The following HDAC9 variants were observed in gnomAD, a reference collection of about 807,000 sequenced individuals.
HDAC9 encodes the protein histone deacetylase 9, also known as MEF-2 interacting transcription repressor (MITR) protein.
Under a neutral mutation model 139.4 loss-of-function variants are expected in HDAC9, and 41 were observed. The ratio of observed to expected loss-of-function variants is 0.29; its 90% CI spans 0.23 to 0.38. HDAC9 has a LOEUF of 0.38. Among genes scored for constraint, HDAC9 ranks in the 10% least tolerant of loss-of-function variants. The pLI is 1.00. For missense variants in HDAC9, 1,147 were observed against 1,297.0 expected (o/e 0.88, Z 1.78); for synonymous variants, 517 against 476.2 (o/e 1.09, Z -1.12).
chr7:18,187,183 A>C lies in HDAC9; in HGVS notation c.25+24834A>C, dbSNP rs541606566. Among the ~76,000 whole-genome samples the C allele has an allele frequency of 1.6e-4, 24 of 152,336 alleles. 1 individual carries two copies. The South Asian group carries it at 3.5e-3, about 22-fold the overall frequency. ...CAGTCAGTGAAAATAAAGGCGGGCA[A>C]AAATGAAATTGTCTATTAAGCACCT... is the stretch of plus-strand genomic sequence containing the variant. On this transcript the variant is annotated intron_variant, in intron 2 of 12. Coordinates refer to the HDAC9 transcript ENST00000417496.
intron 17 of HDAC9, among the ~76,000 whole-genome samples, chr7:18,813,838 A>G (rs1362586784): frequency 6.6e-6 from 1 of 152,168 alleles, no homozygotes; most frequent in African/African-American, 2.4e-5. Context: ...GAGTCTAGCT[A>G]TTACTAAGAT....
At chr7:18,509,579 A>G (rs976373955) in intron 2 of HDAC9, 3 of 438,902 alleles carry the variant, frequency 6.8e-6, no homozygotes, top group Admixed American at 6.4e-5. Flanking sequence ...TCTTAGTCTA[A>G]GAATTACCAG....
chr7:18,623,686 G>A (rs1337391741), intron 6 of HDAC9, among the ~76,000 whole-genome samples: 1 of 152,170 alleles, frequency 6.6e-6, no homozygotes, highest in Non-Finnish European at 1.5e-5. Context: ...GCTCACGCTT[G>A]TAATCCCAAC....
intron 1 of HDAC9, among the ~76,000 whole-genome samples, chr7:18,406,299 T>G (rs1393667039): frequency 6.6e-6 from 1 of 152,178 alleles, no homozygotes; most frequent in African/African-American, 2.4e-5. Flanking sequence ...TAAAAGTAAT[T>G]GCAGTTTTTT....
chr7:18,314,890 G>T (rs192548924), intron 1 of HDAC9, among the ~76,000 whole-genome samples: 2 of 152,194 alleles, frequency 1.3e-5, no homozygotes, highest in East Asian at 1.9e-4. Context: ...TCTTCATGTT[G>T]CACCATCACA....
At chr7:18,642,900 G>A (rs1028044085) in intron 8 of HDAC9, among the ~76,000 whole-genome samples, 4 of 152,088 alleles carry the variant, frequency 2.6e-5, no homozygotes, top group African/African-American at 9.7e-5. Context: ...CATTCTCCCA[G>A]TCCGTGTCAA....
At chr7:18,324,741 CATAA>C (rs1800304759) in intron 1 of HDAC9, among the ~76,000 whole-genome samples, 1 of 152,094 alleles carries the variant, frequency 6.6e-6, no homozygotes, top group African/African-American at 2.4e-5. Context: ...TATTGTAGAG[CATAA>C]AAAGGTGAGC....
chr7:18,464,870 T>G (rs1417849003), intron 1 of HDAC9, among the ~76,000 whole-genome samples: 2 of 152,048 alleles, frequency 1.3e-5, no homozygotes, highest in Non-Finnish European at 2.9e-5. Context: ...TGTCAAACCT[T>G]TGTTTAGCCT....
intron 6 of HDAC9, among the ~76,000 whole-genome samples, chr7:18,628,911 A>G (rs1208537629): frequency 6.6e-6 from 1 of 152,142 alleles, no homozygotes; most frequent in Non-Finnish European, 1.5e-5. Context: ...TATTACCACA[A>G]GCCAGGTCAG....
chr7:18,506,108 A>G (rs1799698371), intron 2 of HDAC9: 1 of 152,252 alleles, frequency 6.6e-6, no homozygotes, highest in Non-Finnish European at 1.5e-5. Context: ...ATAACATTCA[A>G]GTGAAACCAC....
At chr7:18,665,692 G>A (rs563613846) in intron 11 of HDAC9, among the ~76,000 whole-genome samples, 1 of 152,056 alleles carries the variant, frequency 6.6e-6, no homozygotes, top group African/African-American at 2.4e-5. Context: ...TATATAAGAA[G>A]ATGCTTTTTC....
At chr7:18,336,329 C>G (rs1432781580) in intron 1 of HDAC9, among the ~76,000 whole-genome samples, 2 of 151,558 alleles carry the variant, frequency 1.3e-5, no homozygotes, top group Non-Finnish European at 3.0e-5. Flanking sequence ...TATATCCTAA[C>G]CTCTCTCTTT....
At chr7:18,581,692 C>T (rs1200881722) in intron 2 of HDAC9, among the ~76,000 whole-genome samples, 1 of 152,026 alleles carries the variant, frequency 6.6e-6, no homozygotes, top group African/African-American at 2.4e-5. Context: ...TGAAATATAT[C>T]ATTAACTGCC....
intron 1 of HDAC9, among the ~76,000 whole-genome samples, chr7:18,477,033 A>C (rs907769454): frequency 2.0e-5 from 3 of 152,192 alleles, no homozygotes; most frequent in Non-Finnish European, 4.4e-5. Context: ...AGGAATTCAC[A>C]TGCCTTTGGT....
intron 1 of HDAC9, among the ~76,000 whole-genome samples, chr7:18,459,540 G>A (rs113829524): frequency 0.012 from 1,846 of 152,106 alleles, 36 homozygotes; most frequent in African/African-American, 0.041. Flanking sequence ...TTGACTGACT[G>A]TAATTGACTA....
rs1786560704 is a variant in HDAC9 at position 18,998,001 on chromosome 7, T to G, written c.*1939T>G. The G allele has an allele frequency of 6.6e-6, 1 of 152,172 alleles. No homozygotes were observed. Among genetic ancestry groups the G allele is most frequent in the Non-Finnish European group, 1.5e-5 (1 of 68,006 alleles). 9.4% of individuals were successfully genotyped at this position (152,172 alleles called of 1,614,324 possible). A position where few individuals can be genotyped will look rare whatever the true frequency, so the allele number is the denominator to read the frequency against. ...AGTAGTAATCAATTTTTTATAAATT[T>G]TATTTTCATGAGAAATTCATACCAA... On this transcript the variant is annotated 3_prime_UTR_variant, in exon 26 of 26. Transcript: ENST00000686413.
At chr7:18,822,450 G>T (rs1222882399) in intron 17 of HDAC9, among the ~76,000 whole-genome samples, 1 of 152,168 alleles carries the variant, frequency 6.6e-6, no homozygotes, top group East Asian at 1.9e-4. Flanking sequence ...CGCCTCCCGG[G>T]TTCAAGCGAT....
chr7:18,762,789 A>G (rs918775277), intron 15 of HDAC9, among the ~76,000 whole-genome samples: 5 of 152,218 alleles, frequency 3.3e-5, no homozygotes, highest in African/African-American at 1.2e-4. Context: ...TACCTTTGGA[A>G]TTAAATAATA....
intron 2 of HDAC9, among the ~76,000 whole-genome samples, chr7:18,202,991 GC>G (rs1373204771): frequency 3.9e-5 from 6 of 152,162 alleles, no homozygotes; most frequent in Admixed American, 3.3e-4. Context: ...TATATGTAAA[GC>G]AGTTTAAACG....
Sources: gnomAD v4.1 joint callset for allele counts (sites outside exome capture counted in the v4.1 genomes callset) on GRCh38, gnomAD v4.1.1 for gene constraint, MANE v1.5 for transcripts, NCBI Gene and HGNC (gene_info 2026-07-23, HGNC 2026-07-21) for gene names.